The following LIMK2 variants were observed in gnomAD, a reference collection of about 807,000 sequenced individuals.
LIMK2 encodes the protein LIM domain kinase 2.
LIMK2 carries 35 observed loss-of-function variants against 75.7 expected under a neutral mutation model. The observed-to-expected ratio is 0.46, with a 90% CI of 0.35 to 0.61. LIMK2 has a LOEUF of 0.61. Among genes scored for constraint, LIMK2 ranks in the 20% least tolerant of loss-of-function variants. The pLI, the probability that LIMK2 is intolerant of heterozygous loss-of-function variation, is 0.00. For missense variants in LIMK2, 623 were observed against 831.0 expected, an observed-to-expected ratio of 0.75 and a Z score of 3.08; for synonymous variants, 301 against 319.2, an observed-to-expected ratio of 0.94 and a Z score of 0.61.
At chr22:31,267,104 T>G in intron 9 of LIMK2, 34 bp downstream of exon 9, 1 of 1,266,288 alleles carries the variant, frequency 7.9e-7, no homozygotes, top group Non-Finnish European at 1.1e-6. Context: ...GAGGTTGGTG[T>G]CACCATTGGA....
chr22:31,228,108 T>C (rs575496663), intron 2 of LIMK2, among the ~76,000 whole-genome samples: 2 of 151,938 alleles, frequency 1.3e-5, no homozygotes, highest in South Asian at 4.2e-4. Flanking sequence ...AGTAGACACG[T>C]TAGCATGGTA....
At chr22:31,272,918 T>G in intron 13 of LIMK2, 1 of 1,326,774 alleles carries the variant, frequency 7.5e-7, no homozygotes, top group Non-Finnish European at 9.6e-7. Context: ...GGGGATAAGG[T>G]GAGTTCTGAC....
At chr22:31,276,695 G>A (rs1437574574) in intron 15 of LIMK2, 17 of 1,189,302 alleles carry the variant, frequency 1.4e-5, no homozygotes, top group Middle Eastern at 3.5e-4. Flanking sequence ...CCGCCGTGGC[G>A]GACAGCGGCA....
chr22:31,245,444 G>A (rs1299481854), intron 2 of LIMK2, among the ~76,000 whole-genome samples: 2 of 152,194 alleles, frequency 1.3e-5, no homozygotes, highest in East Asian at 3.9e-4. Context: ...TGGGATTACA[G>A]GCATGTGCCA....
chr22:31,230,056 C>CTTTTTTTTTTTTTTTTTTTTTTTT (rs33933239), intron 2 of LIMK2: 1 of 120,834 alleles, frequency 8.3e-6, no homozygotes, highest in African/African-American at 3.1e-5. Flanking sequence ...TTCTTTCTTT[C>CTTTTTTTTTTTTTTTTTTTTTTTT]TTTTTTTTTT....
intron 9 of LIMK2, 127 bp downstream of exon 9, chr22:31,267,197 C>G (rs989597837): frequency 5.0e-6 from 3 of 601,306 alleles, no homozygotes; most frequent in Non-Finnish European, 8.9e-6. Context: ...GAAAAGAGCC[C>G]TAGAGGAATA....
intron 2 of LIMK2, among the ~76,000 whole-genome samples, chr22:31,246,179 G>GCGCACACA (rs1555886265): frequency 2.9e-5 from 2 of 69,774 alleles, no homozygotes; most frequent in African/African-American, 5.3e-5. Flanking sequence ...ACACACGCAC[G>GCGCACACA]CACGCACACA....
In LIMK2 at chr22:31,278,539, A is replaced by C; in HGVS notation, c.*98A>C. ...GCAGGGCCGTCCGGGCTTCCTGTGG[A>C]TTGGCGGAATGTTTAGAAGCAGAAC... On this transcript the variant is annotated 3_prime_UTR_variant, in exon 16 of 16. Coordinates refer to ENST00000331728, the MANE Select transcript of LIMK2 (RefSeq NM_005569.4). The C allele has an allele frequency of 7.5e-7, 1 of 1,336,246 alleles. No individual in the cohort carries two copies. The allele number at this position is 1,336,246 out of a possible 1,614,324, so 82.8% of individuals were successfully genotyped here.
chr22:31,230,039 T>TC (rs1057066883), intron 2 of LIMK2: 5 of 140,548 alleles, frequency 3.6e-5, no homozygotes, highest in African/African-American at 1.3e-4. Flanking sequence ...TTCTTTTTTT[T>TC]CTTTCTTTCT....
Position 31,268,252 on chromosome 22 carries a change from A to G in LIMK2, c.1317+52A>G, listed in dbSNP as rs573970488. The stretch of plus-strand genomic sequence containing the variant: ...CAGGGCGAGAGTAGGGAGAGGTGTG[A>G]GAATTGTGGGCTTCACTGGAAGGTA... On this transcript the variant is annotated intron_variant, in intron 11 of 15. Coordinates refer to ENST00000331728, the MANE Select transcript of LIMK2 (RefSeq NM_005569.4). 3.3e-5 allele frequency: 48 copies of G among 1,466,802 alleles called. No homozygotes were observed. In the South Asian group the frequency reaches 5.2e-4, roughly 16 times the overall value. The allele number at this position is 1,466,802 out of a possible 1,614,324, so 90.9% of individuals were successfully genotyped here.
Position 31,262,790 on chromosome 22 carries a change from AGGT to A in LIMK2, c.854+1_854+3del. 6.3e-7 allele frequency: 1 copy of A among 1,597,004 alleles called. No homozygotes were observed. ...GGGGACACTGAGGAGACGTTCCCTAAGGTGCCACCTCCCACCCTGGCTCTGTTC... is the reference window on the plus strand; with the variant it reads ...GGGGACACTGAGGAGACGTTCCCTAAGCCACCTCCCACCCTGGCTCTGTTC... On this transcript the variant is annotated splice_donor_variant and coding_sequence_variant, in exon 7 of 16. Transcript: ENST00000331728. LOFTEE classifies it high-confidence loss of function. The surrounding 1 kb of genome is among the most constrained non-coding windows in gnomAD (Gnocchi z 5.0).
intron 2 of LIMK2, among the ~76,000 whole-genome samples, chr22:31,235,760 A>G (rs1309225925): frequency 6.6e-6 from 1 of 152,224 alleles, no homozygotes; most frequent in Admixed American, 6.5e-5. Flanking sequence ...TTTTACTTAT[A>G]GGTGATTTAT....
intron 8 of LIMK2, among the ~76,000 whole-genome samples, chr22:31,266,455 A>G (rs566598021): frequency 4.6e-5 from 7 of 152,206 alleles, no homozygotes; most frequent in African/African-American, 1.4e-4. Context: ...ACACAGGGGA[A>G]TGGCTCCTGC....
At chr22:31,234,441 G>C (rs889511961) in intron 2 of LIMK2, among the ~76,000 whole-genome samples, 2 of 151,144 alleles carry the variant, frequency 1.3e-5, no homozygotes, top group African/African-American at 4.9e-5. Flanking sequence ...TCCTTAACTT[G>C]GCCAGGCGCG....
intron 2 of LIMK2, among the ~76,000 whole-genome samples, chr22:31,236,638 G>T (rs946906397): frequency 1.3e-5 from 2 of 151,344 alleles, no homozygotes; most frequent in Admixed American, 1.3e-4. Flanking sequence ...AACGAGCCAG[G>T]CGCGTTTGCT....
chr22:31,216,003 A>G (rs1010961640), intron 1 of LIMK2, among the ~76,000 whole-genome samples: 2 of 152,200 alleles, frequency 1.3e-5, no homozygotes, highest in Non-Finnish European at 2.9e-5. Context: ...CCCTTCCCTC[A>G]TGTAGTGTAT....
intron 11 of LIMK2, among the ~76,000 whole-genome samples, chr22:31,269,286 C>CTT (rs796361643): frequency 2.2e-3 from 207 of 95,462 alleles, no homozygotes; most frequent in African/African-American, 6.4e-3. Flanking sequence ...ATTTTTTTTT[C>CTT]TTTTTTTTTT....
intron 1 of LIMK2, among the ~76,000 whole-genome samples, chr22:31,213,541 G>T (rs1399157010): frequency 6.6e-6 from 1 of 152,186 alleles, no homozygotes; most frequent in Non-Finnish European, 1.5e-5. Context: ...CTCAGCAAGG[G>T]AGCATGGGAT....
chr22:31,221,577 CAGGTTCA>C (rs759436640), intron 1 of LIMK2, among the ~76,000 whole-genome samples: 6 of 152,076 alleles, frequency 3.9e-5, no homozygotes, highest in Non-Finnish European at 7.4e-5. Flanking sequence ...CTCCGCCTAC[CAGGTTCA>C]AGCAATTCTC....
Sources: allele counts gnomAD v4.1 joint callset (sites outside exome capture counted in the v4.1 genomes callset), GRCh38; gene constraint gnomAD v4.1.1; non-coding constraint Gnocchi (gnomAD v3.1); transcripts MANE v1.5; gene names NCBI Gene and HGNC (gene_info 2026-07-23, HGNC 2026-07-21).